GRM4: variants seen among roughly 807,000 people sequenced by gnomAD.
GRM4 encodes the protein metabotropic glutamate receptor 4.
A neutral mutation model predicts 81.7 loss-of-function variants in GRM4; 28 were observed. That is an observed-to-expected ratio of 0.34 (90% CI 0.25 to 0.47). The LOEUF (loss-of-function observed/expected upper bound fraction) is 0.47, where lower values mean the gene tolerates loss of function less well. GRM4 is among the 20% of genes least tolerant of loss of function. GRM4 has a pLI of 1.00. For missense variants in GRM4, 948 were observed against 1,290.0 expected (o/e 0.73, Z 4.06); for synonymous variants, 488 against 528.8 (o/e 0.92, Z 1.06).
Position 34,080,891 on chromosome 6 carries a change from A to AC in GRM4, c.736+10991dup, listed in dbSNP as rs1554126109. Among the ~76,000 whole-genome samples, 624 of 129,304 alleles carry AC rather than the reference A, an allele frequency of 4.8e-3. 5 individuals are homozygous for AC. The highest frequency in any genetic ancestry group is 0.017 in the African/African-American group (573 of 34,484). 84.8% of individuals were successfully genotyped at this position (129,304 alleles called of 152,430 possible). ...ACATATACACACACACACACACACA[A>AC]CCCTTACCATGCCAAGGTCTTCCAA... On this transcript the variant is annotated intron_variant, in intron 3 of 10. Coordinates refer to ENST00000538487, the MANE Select transcript of GRM4 (RefSeq NM_000841.4). This position sits in a 1 kb window ranked among gnomAD's most constrained non-coding sequence, Gnocchi z 5.4.
At chr6:34,148,731 C>A (rs1000075271), upstream of GRM4, among the ~76,000 whole-genome samples, 21 of 152,284 alleles carry the variant, frequency 1.4e-4, no homozygotes, top group Middle Eastern at 6.8e-3. Flanking sequence ...GTGGGGGAGC[C>A]CCCCAGCCTC....
intron 3 of GRM4, among the ~76,000 whole-genome samples, chr6:34,082,093 TGCGGGACAGATCCCTGTCCAGTGGG>T (rs1767633204): frequency 2.7e-5 from 4 of 149,028 alleles, no homozygotes; most frequent in Admixed American, 2.7e-4. Flanking sequence ...AGTGGGAGCC[TGCGGGACAGATCCCTGTCCAGTGGG>T]AGCCTGCGGG....
Position 34,080,095 on chromosome 6 carries a change from G to A in GRM4, c.736+11788C>T, listed in dbSNP as rs1561797926. Among the ~76,000 whole-genome samples the A allele has an allele frequency of 6.6e-6, 1 of 152,164 alleles. No homozygotes were observed. Among genetic ancestry groups the A allele is most frequent in the Non-Finnish European group, 1.5e-5 (1 of 68,030 alleles). On this transcript the variant is annotated intron_variant, in intron 3 of 10. Transcript: ENST00000538487. This position sits in a 1 kb window ranked among gnomAD's most constrained non-coding sequence, Gnocchi z 5.4. ...GCCTCCTGGTTATTCTCCAAATGCC[G>A]GGCAGGCACCACCTCAGGGCCTTTG...
chr6:34,020,259 C>T lies in GRM4; in HGVS notation c.*2562G>A, dbSNP rs990445096. On this transcript the variant is annotated 3_prime_UTR_variant, in exon 11 of 11. Coordinates refer to ENST00000538487, the MANE Select transcript of GRM4 (RefSeq NM_000841.4). ...GCCCCTCCTGAGAGCCAAGGGGAGC[C>T]GAGGGGCAGCATCCCCCTTGGAGAG... 1 of 152,240 alleles carries T rather than the reference C, an allele frequency of 6.6e-6. No homozygotes were observed. Among genetic ancestry groups the T allele is most frequent in the Non-Finnish European group, 1.5e-5 (1 of 68,094 alleles). 9.4% of individuals were successfully genotyped at this position (152,240 alleles called of 1,614,324 possible). A position where few individuals can be genotyped will look rare whatever the true frequency, so the allele number is the denominator to read the frequency against.
chr6:34,105,250 A>G (rs536131455), intron 2 of GRM4, among the ~76,000 whole-genome samples: 3 of 152,242 alleles, frequency 2.0e-5, no homozygotes, highest in Admixed American at 2.0e-4. Context: ...GCTGGCAGAG[A>G]GGAGGCCCCC....
At chr6:34,029,699 C>G (rs953272899) in intron 9 of GRM4, among the ~76,000 whole-genome samples, 2 of 152,208 alleles carry the variant, frequency 1.3e-5, no homozygotes, top group Admixed American at 6.5e-5. Flanking sequence ...GAGGGTACCC[C>G]AAGCACAGAC....
At position 34,152,697 on chromosome 6, in the gene GRM4, G is replaced by A. The variant is rs28711104; in HGVS notation, c.312+2382C>T. On this transcript the variant is annotated intron_variant, in intron 1 of 8. Coordinates refer to the GRM4 transcript ENST00000374177. This position sits in a 1 kb window ranked among gnomAD's most constrained non-coding sequence, Gnocchi z 4.1. ...ATTTTAATGGCGTTTGATTGGATCC[G>A]ATGCGCTTTTAATTCCCTCCTGGGA... Among the ~76,000 whole-genome samples the A allele has an allele frequency of 0.012, 1,874 of 152,288 alleles. 28 individuals are homozygous for A. Among genetic ancestry groups the A allele is most frequent in the African/African-American group, 0.032 (1,346 of 41,556 alleles).
At chr6:34,082,272 A>T (rs1239738973) in intron 3 of GRM4, among the ~76,000 whole-genome samples, 2 of 152,212 alleles carry the variant, frequency 1.3e-5, no homozygotes, top group Non-Finnish European at 2.9e-5. Context: ...CAAATATATC[A>T]AAATAAATAA....
intron 2 of GRM4, among the ~76,000 whole-genome samples, chr6:34,124,095 A>C (rs1431962544): frequency 6.6e-6 from 1 of 152,192 alleles, no homozygotes; most frequent in Non-Finnish European, 1.5e-5. Context: ...GGGTCCCAAG[A>C]GACCTGGTGA....
At chr6:34,079,176 A>G (rs2127476868) in intron 3 of GRM4, among the ~76,000 whole-genome samples, 1 of 152,300 alleles carries the variant, frequency 6.6e-6, no homozygotes, top group East Asian at 1.9e-4. Flanking sequence ...AGGCCGGGGA[A>G]AGCGCTCTCT....
chr6:34,061,928 C>T lies in GRM4; in HGVS notation c.837G>A (p.Arg279=). Residue 279 remains arginine (R), a synonymous_variant, in exon 4 of 11, where the codon AGG becomes AGA. Coordinates refer to ENST00000538487, the MANE Select transcript of GRM4 (RefSeq NM_000841.4). The part of the protein sequence containing the change: ...IRRLLETSNA[R]AVIIFANEDD... Reference sequence around the variant, plus strand: ...CCTCGTTGGCAAAGATGATGACTGCCCTGGCGTTCGAAGTCTCCAGGAGGC... The same window carrying T: ...CCTCGTTGGCAAAGATGATGACTGCTCTGGCGTTCGAAGTCTCCAGGAGGC... 2 of 1,613,836 alleles carry T rather than the reference C, an allele frequency of 1.2e-6. No individual in the cohort carries two copies. Among genetic ancestry groups the T allele is most frequent in the Non-Finnish European group, 1.7e-6 (2 of 1,179,752 alleles).
intron 2 of GRM4, among the ~76,000 whole-genome samples, chr6:34,109,023 G>A (rs1305477728): frequency 1.3e-5 from 2 of 152,092 alleles, no homozygotes; most frequent in Non-Finnish European, 2.9e-5. Context: ...ATTATCACCC[G>A]CCACTCGGGG....
At chr6:34,031,683 TC>T (rs1764433058) in intron 9 of GRM4, among the ~76,000 whole-genome samples, 1 of 152,158 alleles carries the variant, frequency 6.6e-6, no homozygotes, top group Non-Finnish European at 1.5e-5. Context: ...GAAAGCCCGC[TC>T]AGTGTAATTC....
chr6:34,041,199 C>T (rs1159517865), intron 6 of GRM4, among the ~76,000 whole-genome samples: 2 of 152,134 alleles, frequency 1.3e-5, no homozygotes, highest in East Asian at 3.9e-4. Flanking sequence ...AGGGGAGTGT[C>T]CTTAAAGCCA....
intron 2 of GRM4, among the ~76,000 whole-genome samples, chr6:34,097,714 A>G (rs1768610467): frequency 6.6e-6 from 1 of 152,150 alleles, no homozygotes; most frequent in South Asian, 2.1e-4. Flanking sequence ...GAGGGCAGGG[A>G]ATGTGTCCAG....
intron 3 of GRM4, among the ~76,000 whole-genome samples, chr6:34,072,459 TACC>T (rs575060739): frequency 3.3e-3 from 222 of 66,740 alleles, no homozygotes; most frequent in African/African-American, 0.013. Flanking sequence ...GCCACACACA[TACC>T]ACCATACAGA....
At chr6:34,038,372 G>A (rs182214091) in intron 8 of GRM4, among the ~76,000 whole-genome samples, 4 of 152,310 alleles carry the variant, frequency 2.6e-5, no homozygotes, top group African/African-American at 7.2e-5. Context: ...TCACTAGAAC[G>A]TCAGCTCCAT....
intron 2 of GRM4, among the ~76,000 whole-genome samples, chr6:34,106,516 A>G (rs1295192995): frequency 6.6e-6 from 1 of 151,356 alleles, no homozygotes; most frequent in Non-Finnish European, 1.5e-5. Flanking sequence ...GACCTGCACC[A>G]TTAGCCCCCT....
intron 2 of GRM4, among the ~76,000 whole-genome samples, chr6:34,101,208 C>CT (rs1473467903): frequency 1.3e-5 from 2 of 152,206 alleles, no homozygotes; most frequent in East Asian, 3.8e-4. Context: ...AGACCTAACA[C>CT]TTACTGGGTG....
Sources: gnomAD v4.1 joint callset for allele counts (sites outside exome capture counted in the v4.1 genomes callset) on GRCh38, gnomAD v4.1.1 for gene constraint, Gnocchi (gnomAD v3.1) non-coding constraint, MANE v1.5 for transcripts, NCBI Gene and HGNC (gene_info 2026-07-23, HGNC 2026-07-21) for gene names.